JAKMIP1: variants seen among roughly 807,000 people sequenced by gnomAD.
JAKMIP1 encodes the protein janus kinase and microtubule-interacting protein 1.
A neutral mutation model predicts 113.0 loss-of-function variants in JAKMIP1; 33 were observed. That is an observed-to-expected ratio of 0.29 (90% CI 0.22 to 0.39). The LOEUF is 0.39. Ranked by LOEUF, JAKMIP1 falls within the 10% of genes least tolerant of loss-of-function variation. JAKMIP1 has a pLI of 1.00. For synonymous variants in JAKMIP1, 480 were observed against 459.9 expected (o/e 1.04, Z -0.56); for missense variants, 813 against 1,080.5 (o/e 0.75, Z 3.47).
At chr4:6,190,571 G>A (rs1727147068) in intron 1 of JAKMIP1, among the ~76,000 whole-genome samples, 1 of 152,188 alleles carries the variant, frequency 6.6e-6, no homozygotes, top group Non-Finnish European at 1.5e-5. Context: ...CCAAGGAGAG[G>A]CCTGGGGAGG....
At chr4:6,119,270 G>A (rs1353975125) in intron 1 of JAKMIP1, among the ~76,000 whole-genome samples, 4 of 151,314 alleles carry the variant, frequency 2.6e-5, no homozygotes, top group Non-Finnish European at 5.9e-5. Flanking sequence ...GGGGCCGGGC[G>A]CGGTGGCTCA....
intron 3 of JAKMIP1, among the ~76,000 whole-genome samples, chr4:6,087,007 G>A (rs548455969): frequency 2.9e-4 from 44 of 152,252 alleles, no homozygotes; most frequent in African/African-American, 1.0e-3. Context: ...CTCCAGAACT[G>A]TATAGGAACA....
chr4:6,062,562 A>G (rs1717456747), intron 9 of JAKMIP1, 122 bp from the exon 10 acceptor site: 1 of 1,069,674 alleles, frequency 9.3e-7, no homozygotes, highest in African/African-American at 1.6e-5. Context: ...GCCAGGGTCA[A>G]CTTAGACATC....
intron 20 of JAKMIP1, among the ~76,000 whole-genome samples, chr4:6,026,866 ATTTTTTTT>A (rs370379960): frequency 2.0e-4 from 28 of 140,682 alleles, no homozygotes; most frequent in Non-Finnish European, 2.8e-4. Context: ...ATTTCTTTGC[ATTTTTTTT>A]TTTTTTTTTT....
intron 8 of JAKMIP1, among the ~76,000 whole-genome samples, chr4:6,066,139 C>T (rs994963233): frequency 9.2e-5 from 14 of 152,150 alleles, no homozygotes; most frequent in African/African-American, 2.9e-4. Flanking sequence ...AACATGACTT[C>T]ACCCAGAGCT....
In JAKMIP1 at chr4:6,040,775, T is replaced by C; in HGVS notation, c.2098-59A>G. 7.3e-7 allele frequency: 1 copy of C among 1,363,356 alleles called. No homozygotes were observed. The highest frequency in any genetic ancestry group is 1.0e-6 in the Non-Finnish European group (1 of 960,588). 84.5% of individuals were successfully genotyped at this position (1,363,356 alleles called of 1,614,324 possible). A position where few individuals can be genotyped will look rare whatever the true frequency, so the allele number is the denominator to read the frequency against. ...GTCAGAACAGGAATCCATGACAGCTTCAGAGCCCGTTTGCTAGAGAGTGGC... is the reference window on the plus strand; with the variant it reads ...GTCAGAACAGGAATCCATGACAGCTCCAGAGCCCGTTTGCTAGAGAGTGGC... On this transcript the variant is annotated intron_variant, in intron 17 of 20. Coordinates refer to ENST00000409021, the MANE Select transcript of JAKMIP1 (RefSeq NM_001099433.2). The surrounding 1 kb of genome is among the most constrained non-coding windows in gnomAD (Gnocchi z 5.8).
rs913628811 is a variant in JAKMIP1 at position 6,180,606 on chromosome 4, T to C, written c.-148+19647A>G. 6.6e-6 allele frequency among the ~76,000 whole-genome samples: 1 copy of C among 152,218 alleles called. No individual in the cohort carries two copies. Among genetic ancestry groups the C allele is most frequent in the Admixed American group, 6.5e-5 (1 of 15,284 alleles). On this transcript the variant is annotated intron_variant, in intron 1 of 20. Transcript: ENST00000409021. The surrounding 1 kb of genome is among the most constrained non-coding windows in gnomAD (Gnocchi z 4.5). ...CTGTGTAGCAGGAACTGTTTCAAAC[T>C]GTCCAAATTACCTAGTATTCTGCAG...
rs752530786 is a variant in JAKMIP1 at position 6,105,917 on chromosome 4, C to G, written c.180G>C (p.Gln60His). Residue 60 changes from glutamine to histidine, a missense_variant, in exon 3 of 21, where the codon CAG becomes CAC. Around this residue, in one of 2 missense-constraint regions of JAKMIP1, gnomAD observed 540 missense variants for 653.9 expected, o/e 0.83. Coordinates refer to ENST00000409021, the MANE Select transcript of JAKMIP1 (RefSeq NM_001099433.2). ...RLQEAKLERE[Q>H]EQRRHTAYIS... ...TGTAGGCCGTGTGCCGTCGCTGCTCCTGCTCGCGCTCCAGCTTCGCCTCCT... is the reference window on the plus strand; with the variant it reads ...TGTAGGCCGTGTGCCGTCGCTGCTCGTGCTCGCGCTCCAGCTTCGCCTCCT... The G allele has an allele frequency of 6.2e-7, 1 of 1,610,670 alleles. No individual in the cohort carries two copies.
chr4:6,199,620 C>T lies in JAKMIP1; in HGVS notation c.-148+633G>A, dbSNP rs1728224561. Among the ~76,000 whole-genome samples the T allele has an allele frequency of 6.6e-6, 1 of 151,976 alleles. No individual in the cohort carries two copies. On this transcript the variant is annotated intron_variant, in intron 1 of 20. Coordinates refer to ENST00000409021, the MANE Select transcript of JAKMIP1 (RefSeq NM_001099433.2). This position sits in a 1 kb window ranked among gnomAD's most constrained non-coding sequence, Gnocchi z 5.6. ...TTTCTTCCCATCTCTCGAGCCTCCT[C>T]CCCGGCGCCCACGTGGGCGGAGCAG...
At chr4:6,125,728 A>G (rs1451330890) in intron 1 of JAKMIP1, among the ~76,000 whole-genome samples, 3 of 136,986 alleles carry the variant, frequency 2.2e-5, no homozygotes, top group East Asian at 2.2e-4. Context: ...AAACACACAC[A>G]CACACCATAC....
In JAKMIP1 at chr4:6,143,848, G is replaced by A. The variant is rs1364131355; in HGVS notation, c.-147-30851C>T. Among the ~76,000 whole-genome samples the A allele has an allele frequency of 1.3e-5, 2 of 152,234 alleles. No individual in the cohort carries two copies. Among genetic ancestry groups the A allele is most frequent in the Non-Finnish European group, 2.9e-5 (2 of 68,042 alleles). ...GTCATCAGGGAATAACAGAAGGCTT[G>A]TAGGACCCAGGCCAGGCAAGCCCCA... On this transcript the variant is annotated intron_variant, in intron 1 of 20. Coordinates refer to ENST00000409021, the MANE Select transcript of JAKMIP1 (RefSeq NM_001099433.2). This position sits in a 1 kb window ranked among gnomAD's most constrained non-coding sequence, Gnocchi z 4.9.
In JAKMIP1 at chr4:6,180,193, C is replaced by A. The variant is rs1725857510; in HGVS notation, c.-148+20060G>T. On this transcript the variant is annotated intron_variant, in intron 1 of 20. Coordinates refer to ENST00000409021, the MANE Select transcript of JAKMIP1 (RefSeq NM_001099433.2). The surrounding 1 kb of genome is among the most constrained non-coding windows in gnomAD (Gnocchi z 4.5). ...TGAAATGCTTCCAATATCAGAAAACCACCAACTTCAATTCCCCACCAAACA... is the reference window on the plus strand; with the variant it reads ...TGAAATGCTTCCAATATCAGAAAACAACCAACTTCAATTCCCCACCAAACA... Among the ~76,000 whole-genome samples, 1 of 152,076 alleles carries A rather than the reference C, an allele frequency of 6.6e-6. No individual in the cohort carries two copies. Among genetic ancestry groups the A allele is most frequent in the Non-Finnish European group, 1.5e-5 (1 of 68,012 alleles).
rs199693515 is a variant in JAKMIP1, at chr4:6,080,290, G to A, written c.1124C>T (p.Ala375Val). 183 of 1,613,974 alleles carry A rather than the reference G, an allele frequency of 1.1e-4. No homozygotes were observed. Among genetic ancestry groups the A allele is most frequent in the Middle Eastern group, 4.9e-4 (3 of 6,082 alleles). The change falls in exon 7 of 21, where the codon GCG (alanine) becomes GTG (valine). Residue 375 changes from alanine (A) to valine (V), a missense_variant. Around this residue, in one of 2 missense-constraint regions of JAKMIP1, gnomAD observed 540 missense variants for 653.9 expected, o/e 0.83. Transcript: ENST00000409021. This position sits in a 1 kb window ranked among gnomAD's most constrained non-coding sequence, Gnocchi z 6.0. ...CAAGGAGGTATGCCGCTTCAGAGAC[G>A]CCTGCGCTGACAGCTTTTCTTTCTG... ...VEMKEKLSAQ[A>V]SLKRHTSLND...
intron 19 of JAKMIP1, among the ~76,000 whole-genome samples, chr4:6,030,178 T>C (rs891155900): frequency 1.3e-5 from 2 of 151,624 alleles, no homozygotes; most frequent in Non-Finnish European, 2.9e-5. Flanking sequence ...ATAAAGGTCA[T>C]GGGTGGGATG....
intron 19 of JAKMIP1, among the ~76,000 whole-genome samples, chr4:6,034,715 T>C (rs1713177911): frequency 6.6e-6 from 1 of 152,100 alleles, no homozygotes. Flanking sequence ...GGCAAGAGAA[T>C]TGCTTGACCT....
At chr4:6,174,553 CAGA>C (rs1725112231) in intron 1 of JAKMIP1, among the ~76,000 whole-genome samples, 1 of 152,174 alleles carries the variant, frequency 6.6e-6, no homozygotes, top group Admixed American at 6.5e-5. Context: ...AACCAGGGTG[CAGA>C]AGAACAGGCC....
At chr4:6,107,164 C>G (rs1231087642) in intron 2 of JAKMIP1, among the ~76,000 whole-genome samples, 1 of 152,134 alleles carries the variant, frequency 6.6e-6, no homozygotes, top group Admixed American at 6.5e-5. Flanking sequence ...GCATCTTTTC[C>G]TAGTGGATTT....
chr4:6,175,329 T>C (rs17773514), intron 1 of JAKMIP1, among the ~76,000 whole-genome samples: 32,785 of 152,064 alleles, frequency 0.22, 3,556 homozygotes, highest in South Asian at 0.31. Context: ...AAAAGTAAAA[T>C]GTTTCATCTC....
chr4:6,031,713 G>A lies in JAKMIP1; in HGVS notation c.2380-1932C>T, dbSNP rs566231740. On this transcript the variant is annotated intron_variant, in intron 19 of 20. Coordinates refer to ENST00000409021, the MANE Select transcript of JAKMIP1 (RefSeq NM_001099433.2). The surrounding 1 kb of genome is among the most constrained non-coding windows in gnomAD (Gnocchi z 4.4). ...GAGCTTTTGATTTCAGGATGATCAC[G>A]GGGCAGCCAAACAGAATGGATTCCA... Among the ~76,000 whole-genome samples, 11 of 152,238 alleles carry A rather than the reference G, an allele frequency of 7.2e-5. No individual in the cohort carries two copies. Among genetic ancestry groups the A allele is most frequent in the East Asian group, 5.8e-4 (3 of 5,160 alleles).
Sources: allele counts gnomAD v4.1 joint callset (sites outside exome capture counted in the v4.1 genomes callset), GRCh38; gene constraint gnomAD v4.1.1; regional missense constraint gnomAD v4.1.1; non-coding constraint Gnocchi (gnomAD v3.1); transcripts MANE v1.5; gene names NCBI Gene and HGNC (gene_info 2026-07-23, HGNC 2026-07-21).